TMEM178B: variants seen among roughly 807,000 people sequenced by gnomAD.
The protein encoded by TMEM178B is transmembrane protein 178B.
Under a neutral mutation model 31.0 loss-of-function variants are expected in TMEM178B, and 5 were observed. The ratio of observed to expected loss-of-function variants is 0.16; its 90% CI spans 0.08 to 0.34. The LOEUF (loss-of-function observed/expected upper bound fraction) is 0.34. Among genes scored for constraint, TMEM178B ranks in the 10% least tolerant of loss-of-function variants. TMEM178B has a pLI of 1.00. For synonymous variants in TMEM178B, 164 were observed against 164.0 expected, an observed-to-expected ratio of 1.00 and a Z score of 0.00; for missense variants, 275 against 400.3, an observed-to-expected ratio of 0.69 and a Z score of 2.67.
intron 2 of TMEM178B, among the ~76,000 whole-genome samples, chr7:141,266,359 T>G (rs1434988838): frequency 1.3e-5 from 2 of 152,120 alleles, no homozygotes; most frequent in Non-Finnish European, 2.9e-5. Flanking sequence ...CCTGGAATGT[T>G]GAGTAGAGAG....
rs1802383500 is a variant in TMEM178B at position 141,477,046 on chromosome 7, T to A, written c.*6260T>A. ...GTGTTGCTCCTTAAGGAACTCTGTA[T>A]CCCTCTCTCCTCTCCAGAACCCCAT... On this transcript the variant is annotated 3_prime_UTR_variant, in exon 4 of 4. Coordinates refer to ENST00000565468, the MANE Select transcript of TMEM178B (RefSeq NM_001195278.2). 6.5e-6 allele frequency: 1 copy of A among 154,914 alleles called. No homozygotes were observed. Among genetic ancestry groups the A allele is most frequent in the Non-Finnish European group, 1.5e-5 (1 of 68,304 alleles). 9.6% of individuals were successfully genotyped at this position (154,914 alleles called of 1,614,324 possible).
intron 2 of TMEM178B, among the ~76,000 whole-genome samples, chr7:141,273,588 C>T (rs185814787): frequency 7.2e-5 from 11 of 152,212 alleles, no homozygotes; most frequent in East Asian, 5.8e-4. Flanking sequence ...CATTCTACAA[C>T]GAATAGAATA....
the TMEM178B span, among the ~76,000 whole-genome samples, chr7:141,496,522 T>TA: frequency 6.7e-6 from 1 of 148,760 alleles, no homozygotes; most frequent in Admixed American, 6.6e-5. Context: ...TACAAAAAAT[T>TA]AGCCAGGTGT....
At position 141,328,134 on chromosome 7, in the gene TMEM178B, G is replaced by C. The variant is rs113963490; in HGVS notation, c.497-109474G>C. On this transcript the variant is annotated intron_variant, in intron 2 of 3. Transcript: ENST00000565468. The stretch of plus-strand genomic sequence containing the variant: ...CTGTTTCCCAGATGGAGAAGATAGG[G>C]GTAAGGTTGGCTCCTGAGGGAGAAT... Among the ~76,000 whole-genome samples, 779 of 152,260 alleles carry C rather than the reference G, an allele frequency of 5.1e-3. 12 individuals are homozygous for C. The highest frequency in any genetic ancestry group is 0.018 in the African/African-American group (736 of 41,552).
chr7:141,440,257 A>G (rs932187715), intron 3 of TMEM178B, among the ~76,000 whole-genome samples: 7 of 152,160 alleles, frequency 4.6e-5, no homozygotes, highest in African/African-American at 1.2e-4. Context: ...GCCCCTTTCT[A>G]TAGGGTGAAT....
intron 1 of TMEM178B, among the ~76,000 whole-genome samples, chr7:141,178,549 A>G (rs568833931): frequency 6.6e-6 from 1 of 152,334 alleles, no homozygotes; most frequent in Non-Finnish European, 1.5e-5. Flanking sequence ...TAACCATAGA[A>G]TTGGTTGTAG....
intron 1 of TMEM178B, among the ~76,000 whole-genome samples, chr7:141,103,178 G>A (rs1437481198): frequency 6.6e-6 from 1 of 152,192 alleles, no homozygotes; most frequent in Non-Finnish European, 1.5e-5. Flanking sequence ...TGCTCCCCAG[G>A]TGGGGTCAAC....
chr7:141,095,721 G>A (rs1046319564), intron 1 of TMEM178B, among the ~76,000 whole-genome samples: 11 of 152,282 alleles, frequency 7.2e-5, no homozygotes, highest in Admixed American at 2.0e-4. Flanking sequence ...TGCAGAAGAC[G>A]TATGATTATT....
intron 3 of TMEM178B, among the ~76,000 whole-genome samples, chr7:141,454,907 A>AC (rs1268732913): frequency 2.0e-5 from 3 of 151,950 alleles, no homozygotes; most frequent in African/African-American, 7.3e-5. Flanking sequence ...CCTCGAATAA[A>AC]CCCCCGAGAG....
At chr7:141,178,665 A>G (rs1035591170) in intron 1 of TMEM178B, among the ~76,000 whole-genome samples, 1 of 152,170 alleles carries the variant, frequency 6.6e-6, no homozygotes, top group African/African-American at 2.4e-5. Flanking sequence ...GTTTTGCTGT[A>G]ATGCAATTAT....
intron 2 of TMEM178B, among the ~76,000 whole-genome samples, chr7:141,305,879 A>G (rs1798808114): frequency 6.6e-6 from 1 of 152,092 alleles, no homozygotes; most frequent in Non-Finnish European, 1.5e-5. Context: ...AATGCTGGTC[A>G]TCTAATTCCC....
chr7:141,092,062 G>A (rs1445579333), intron 1 of TMEM178B, among the ~76,000 whole-genome samples: 1 of 152,120 alleles, frequency 6.6e-6, no homozygotes, highest in African/African-American at 2.4e-5. Flanking sequence ...TACATTCCAG[G>A]AGGTCTTGTG....
intron 1 of TMEM178B, among the ~76,000 whole-genome samples, chr7:141,162,852 G>T (rs1796197920): frequency 6.6e-6 from 1 of 152,232 alleles, no homozygotes; most frequent in African/African-American, 2.4e-5. Context: ...AGGATTGATT[G>T]TGCATGTGGT....
chr7:141,285,644 C>T (rs546376838), intron 2 of TMEM178B, among the ~76,000 whole-genome samples: 79 of 152,184 alleles, frequency 5.2e-4, no homozygotes, highest in African/African-American at 1.6e-3. Context: ...CACATGCACA[C>T]GTATGTTTAT....
chr7:141,083,931 T>C (rs1418017261), intron 1 of TMEM178B, among the ~76,000 whole-genome samples: 3 of 152,032 alleles, frequency 2.0e-5, no homozygotes, highest in Non-Finnish European at 4.4e-5. Context: ...GCCCAGGCTA[T>C]GTAGCTGGGA....
At chr7:141,436,656 C>T (rs1191723645) in intron 2 of TMEM178B, among the ~76,000 whole-genome samples, 1 of 151,216 alleles carries the variant, frequency 6.6e-6, no homozygotes, top group African/African-American at 2.4e-5. Context: ...GCGGTGGGCA[C>T]GTGGAAGGGT....
chr7:141,121,894 T>C (rs1389760272), intron 1 of TMEM178B, among the ~76,000 whole-genome samples: 1 of 152,198 alleles, frequency 6.6e-6, no homozygotes, highest in East Asian at 1.9e-4. Flanking sequence ...TTCAGTCAGC[T>C]ACTCTCACCT....
In TMEM178B at chr7:141,448,111, T is replaced by C. The variant is rs542329129; in HGVS notation, c.634+10366T>C. The stretch of plus-strand genomic sequence containing the variant: ...CCACCGCTTGCCTTTGATGACTGAA[T>C]AATCACACAAAGCATGTGTGCCTCT... On this transcript the variant is annotated intron_variant, in intron 3 of 3. Coordinates refer to ENST00000565468, the MANE Select transcript of TMEM178B (RefSeq NM_001195278.2). Among the ~76,000 whole-genome samples, 24 of 152,038 alleles carry C rather than the reference T, an allele frequency of 1.6e-4. No individual in the cohort carries two copies. In the South Asian group the frequency reaches 5.0e-3, roughly 32 times the overall value.
chr7:141,233,302 A>T (rs370225403), intron 2 of TMEM178B, among the ~76,000 whole-genome samples: 2 of 152,202 alleles, frequency 1.3e-5, no homozygotes, highest in South Asian at 4.1e-4. Context: ...CTTTAATCAA[A>T]CAAAGAATGT....
Sources: gnomAD v4.1 joint callset for allele counts (sites outside exome capture counted in the v4.1 genomes callset) on GRCh38, gnomAD v4.1.1 for gene constraint, MANE v1.5 for transcripts, NCBI Gene and HGNC (gene_info 2026-07-23, HGNC 2026-07-21) for gene names.